PKIB: variants seen among roughly 807,000 people sequenced by gnomAD.
PKIB encodes the protein cAMP-dependent protein kinase inhibitor beta.
In PKIB, 2 loss-of-function variants were observed where a neutral mutation model predicts 4.5. That is an observed-to-expected ratio of 0.44 (90% confidence interval 0.18 to 1.39). PKIB has a LOEUF of 1.39. Among genes scored for constraint, PKIB ranks in the 40% most tolerant of loss-of-function variants. PKIB has a pLI of 0.27. For missense variants in PKIB, 94 were observed against 92.6 expected (o/e 1.02, Z -0.06); for synonymous variants, 38 against 36.0 (o/e 1.06, Z -0.20).
intron 3 of PKIB, among the ~76,000 whole-genome samples, chr6:122,588,251 GT>G (rs1036836840): frequency 6.6e-5 from 10 of 152,112 alleles, no homozygotes; most frequent in Non-Finnish European, 1.2e-4. Context: ...TGGCTAGCCA[GT>G]TTTCCCAGCA....
intron 2 of PKIB, among the ~76,000 whole-genome samples, chr6:122,534,769 C>A (rs1777357422): frequency 6.6e-6 from 1 of 152,146 alleles, no homozygotes; most frequent in Non-Finnish European, 1.5e-5. Flanking sequence ...GAACTACAGA[C>A]AGGGACCGCT....
intron 2 of PKIB, among the ~76,000 whole-genome samples, chr6:122,510,664 G>T (rs1242992551): frequency 6.6e-6 from 1 of 152,028 alleles, no homozygotes; most frequent in Non-Finnish European, 1.5e-5. Context: ...ACAAATACTG[G>T]GGAATTTCAA....
intron 4 of PKIB, among the ~76,000 whole-genome samples, chr6:122,722,855 A>G (rs1046650613): frequency 6.6e-6 from 1 of 152,002 alleles, no homozygotes; most frequent in African/African-American, 2.4e-5. Flanking sequence ...TCTGCGTACC[A>G]TTCTTTCTCT....
At chr6:122,651,327 G>C (rs914231319) in intron 2 of PKIB, among the ~76,000 whole-genome samples, 1 of 152,128 alleles carries the variant, frequency 6.6e-6, no homozygotes, top group African/African-American at 2.4e-5. Flanking sequence ...ACTTCCTTGT[G>C]GACTACACTT....
At chr6:122,479,790 G>A (rs966229280) in intron 2 of PKIB, 1 of 152,092 alleles carries the variant, frequency 6.6e-6, no homozygotes, top group Non-Finnish European at 1.5e-5. Flanking sequence ...AAGTTCTTTT[G>A]TATATAGATA....
chr6:122,504,370 G>A (rs1038938729), intron 2 of PKIB, among the ~76,000 whole-genome samples: 3 of 152,074 alleles, frequency 2.0e-5, no homozygotes, highest in African/African-American at 7.2e-5. Flanking sequence ...GGGACTATGG[G>A]CCTTGACTAC....
intron 1 of PKIB, among the ~76,000 whole-genome samples, chr6:122,627,849 T>C (rs1334395129): frequency 6.6e-6 from 1 of 152,134 alleles, no homozygotes; most frequent in Non-Finnish European, 1.5e-5. Context: ...CATTAATTTA[T>C]TTCTGATTAG....
At chr6:122,660,970 A>C (rs9320885) in intron 2 of PKIB, among the ~76,000 whole-genome samples, 82,370 of 151,890 alleles carry the variant, frequency 0.54, 23,801 homozygotes, top group Non-Finnish European at 0.65. Flanking sequence ...AAGAATAATC[A>C]AAAGGTAGAA....
At chr6:122,539,120 T>C (rs1158358597) in intron 2 of PKIB, among the ~76,000 whole-genome samples, 1 of 152,150 alleles carries the variant, frequency 6.6e-6, no homozygotes, top group African/African-American at 2.4e-5. Context: ...AATCAATTCA[T>C]CTGCAAACAG....
At chr6:122,655,229 C>CA (rs1293829210) in intron 2 of PKIB, among the ~76,000 whole-genome samples, 3 of 152,024 alleles carry the variant, frequency 2.0e-5, no homozygotes, top group Admixed American at 6.5e-5. Flanking sequence ...AAATGTGGCA[C>CA]AAAAAATGGA....
chr6:122,475,644 G>A (rs1482374074), intron 1 of PKIB, among the ~76,000 whole-genome samples: 1 of 151,968 alleles, frequency 6.6e-6, no homozygotes, highest in African/African-American at 2.4e-5. Flanking sequence ...AAATTAGCTC[G>A]GTGTGGTGGC....
intron 3 of PKIB, among the ~76,000 whole-genome samples, chr6:122,597,076 A>G (rs1269562774): frequency 6.6e-6 from 1 of 152,192 alleles, no homozygotes; most frequent in Non-Finnish European, 1.5e-5. Flanking sequence ...GGACCCCTAG[A>G]AATTTTACTG....
At chr6:122,483,830 G>A in intron 2 of PKIB, 1 of 152,154 alleles carries the variant, frequency 6.6e-6, no homozygotes, top group East Asian at 1.9e-4. Flanking sequence ...AGAAAGCGGG[G>A]GACAACTTTG....
At chr6:122,519,154 C>T (rs1445796100) in intron 2 of PKIB, among the ~76,000 whole-genome samples, 1 of 152,040 alleles carries the variant, frequency 6.6e-6, no homozygotes, top group Non-Finnish European at 1.5e-5. Flanking sequence ...TGAGCTCTGC[C>T]TCCTGTCAGA....
intron 2 of PKIB, among the ~76,000 whole-genome samples, chr6:122,544,187 A>G (rs1772411615): frequency 6.6e-6 from 1 of 151,958 alleles, no homozygotes; most frequent in Non-Finnish European, 1.5e-5. Context: ...TCATAAGGTA[A>G]ATTTTAACAG....
intron 3 of PKIB, among the ~76,000 whole-genome samples, chr6:122,588,808 T>C (rs1773930372): frequency 6.6e-6 from 1 of 152,166 alleles, no homozygotes; most frequent in Non-Finnish European, 1.5e-5. Flanking sequence ...TATAAATTTC[T>C]GAGAAATAAT....
intron 2 of PKIB, among the ~76,000 whole-genome samples, chr6:122,523,338 A>G (rs1245468428): frequency 6.6e-6 from 1 of 152,148 alleles, no homozygotes; most frequent in Non-Finnish European, 1.5e-5. Context: ...CCAGGAATAA[A>G]TCCTACTTGT....
chr6:122,537,628 A>G (rs946081127), intron 2 of PKIB, among the ~76,000 whole-genome samples: 11 of 152,156 alleles, frequency 7.2e-5, no homozygotes, highest in African/African-American at 2.7e-4. Flanking sequence ...GAATAGTGCC[A>G]CAATAAACAT....
At chr6:122,704,048 A>T (rs1778952040) in intron 3 of PKIB, among the ~76,000 whole-genome samples, 1 of 151,638 alleles carries the variant, frequency 6.6e-6, no homozygotes, top group Non-Finnish European at 1.5e-5. Context: ...AGAGCTAATG[A>T]TATGGTTCCA....
Sources: allele counts gnomAD v4.1 joint callset (sites outside exome capture counted in the v4.1 genomes callset), GRCh38; gene constraint gnomAD v4.1.1; transcripts MANE v1.5; gene names NCBI Gene and HGNC (gene_info 2026-07-23, HGNC 2026-07-21).